Variants in ALS2 observed in about 807,000 individuals in gnomAD.
The protein encoded by ALS2 is alsin Rho guanine nucleotide exchange factor ALS2.
In ALS2, 117 loss-of-function variants were observed where a neutral mutation model predicts 203.4. That is an observed-to-expected ratio of 0.58 (90% CI 0.50 to 0.67). ALS2 has a LOEUF of 0.67. ALS2 is among the 30% of genes least tolerant of loss of function. The pLI is 0.00. For synonymous variants in ALS2, 718 were observed against 725.9 expected (o/e 0.99, Z 0.17); for missense variants, 1,715 against 1,989.4 (o/e 0.86, Z 2.62).
intron 4 of ALS2, among the ~76,000 whole-genome samples, chr2:201,759,084 G>A (rs932550797): frequency 2.1e-4 from 32 of 152,172 alleles, no homozygotes; most frequent in Non-Finnish European, 4.6e-4. Context: ...TACATAAGCA[G>A]TGATGGTATT....
intron 10 of ALS2, among the ~76,000 whole-genome samples, chr2:201,742,818 TCCCA>T (rs1692368317): frequency 1.3e-5 from 2 of 152,104 alleles, no homozygotes; most frequent in African/African-American, 4.8e-5. Context: ...ATGCCTGTAA[TCCCA>T]CCACTTTGGG....
chr2:201,774,756 A>T (rs1694580479), intron 1 of ALS2, among the ~76,000 whole-genome samples: 1 of 152,148 alleles, frequency 6.6e-6, no homozygotes, highest in Non-Finnish European at 1.5e-5. Context: ...ATTTTTTTTC[A>T]TCTACTATGT....
intron 2 of ALS2, 131 bp from the exon 3 acceptor site, chr2:201,767,514 A>AT: frequency 9.9e-7 from 1 of 1,006,366 alleles, no homozygotes; most frequent in Non-Finnish European, 1.5e-6. Context: ...ATTAGCACCT[A>AT]TTTTATGCTT....
At position 201,754,688 on chromosome 2, in the gene ALS2, CGTG is replaced by C; in HGVS notation, c.1472-20_1472-18del. ...TGGGGGAAACTGAAAACCAACCAGA[CGTG>C]GGGTGAAGGAGTGGGAGTCCAGAGG... On this transcript the variant is annotated intron_variant, in intron 5 of 33. Transcript: ENST00000264276. 1.2e-6 allele frequency: 2 copies of C among 1,613,988 alleles called. No homozygotes were observed. Among genetic ancestry groups the C allele is most frequent in the Admixed American group, 3.3e-5 (2 of 60,006 alleles).
At chr2:201,751,690 T>C (rs1693073250) in intron 7 of ALS2, among the ~76,000 whole-genome samples, 1 of 152,218 alleles carries the variant, frequency 6.6e-6, no homozygotes, top group Non-Finnish European at 1.5e-5. Flanking sequence ...TCTTACTTTC[T>C]AATTTCCAGT....
intron 4 of ALS2, chr2:201,760,140 G>C: frequency 1.7e-6 from 1 of 583,278 alleles, no homozygotes; most frequent in Non-Finnish European, 2.2e-6. Context: ...CTGGGCAACA[G>C]GCTCTACTCT....
chr2:201,735,199 C>A (rs1691801658), intron 12 of ALS2, among the ~76,000 whole-genome samples: 1 of 151,560 alleles, frequency 6.6e-6, no homozygotes, highest in South Asian at 2.1e-4. Context: ...GTTACCAGAG[C>A]CAGGCAGGCA....
intron 27 of ALS2, among the ~76,000 whole-genome samples, chr2:201,709,116 C>T (rs1458393488): frequency 6.6e-6 from 1 of 152,192 alleles, no homozygotes; most frequent in African/African-American, 2.4e-5. Flanking sequence ...GATCTTATAT[C>T]TCACAAGCTT....
intron 27 of ALS2, 56 bp downstream of exon 27, chr2:201,709,825 C>T: frequency 6.2e-7 from 1 of 1,606,078 alleles, no homozygotes. Flanking sequence ...ACTACCCAAG[C>T]ACTGGTATAA....
chr2:201,708,753 C>T lies in ALS2; in HGVS notation c.4281-762G>A, dbSNP rs11895611. Among the ~76,000 whole-genome samples the T allele has an allele frequency of 6.0e-3, 910 of 152,256 alleles. 9 individuals carry two copies. The highest frequency in any genetic ancestry group is 0.02 in the African/African-American group (851 of 41,542). On this transcript the variant is annotated intron_variant, in intron 27 of 33. Transcript: ENST00000264276. ...ACTTCTTGTATGCTAGTGTACTCTACCATAAATAAGTTTATTTTCTCTTAT... is the reference window on the plus strand; with the variant it reads ...ACTTCTTGTATGCTAGTGTACTCTATCATAAATAAGTTTATTTTCTCTTAT...
At chr2:201,758,559 T>C (rs1693542815) in intron 4 of ALS2, among the ~76,000 whole-genome samples, 1 of 152,200 alleles carries the variant, frequency 6.6e-6, no homozygotes, top group Non-Finnish European at 1.5e-5. Context: ...TGAAATTTAC[T>C]CTAAGCTGTC....
chr2:201,754,581 A>C lies in ALS2; in HGVS notation c.1562T>G (p.Leu521Arg). 1 of 1,614,156 alleles carries C rather than the reference A, an allele frequency of 6.2e-7. No individual in the cohort carries two copies. Among genetic ancestry groups the C allele is most frequent in the Non-Finnish European group, 8.5e-7 (1 of 1,180,020 alleles). ...PTYSGEADAL[L>R]PSLRTEVWTW... ...CCACACTTCTGTTCTCAGAGAAGGC[A>C]GGAGCGCATCTGCTTCTCCACTGTA... Residue 521 changes from leucine (L) to arginine (R), a missense_variant, in exon 6 of 34, where the codon CTG becomes CGG. Transcript: ENST00000264276.
chr2:201,738,660 G>T lies in ALS2; in HGVS notation c.2417+10C>A. 6.2e-7 allele frequency: 1 copy of T among 1,612,458 alleles called. No individual in the cohort carries two copies. The highest frequency in any genetic ancestry group is 8.5e-7 in the Non-Finnish European group (1 of 1,178,500). ...AGAGAATGATAACTGGAAGGTGTGG[G>T]TTTGCTTACATGGCAGGCTTAGCAA... is the stretch of plus-strand genomic sequence containing the variant. On this transcript the variant is annotated intron_variant, in intron 12 of 33. Coordinates refer to ENST00000264276, the MANE Select transcript of ALS2 (RefSeq NM_020919.4).
intron 25 of ALS2, among the ~76,000 whole-genome samples, chr2:201,713,499 T>C (rs1484643197): frequency 6.6e-6 from 1 of 152,214 alleles, no homozygotes; most frequent in Non-Finnish European, 1.5e-5. Flanking sequence ...GTTCACTTTT[T>C]TATTTTTTCA....
chr2:201,706,901 G>T lies in ALS2; in HGVS notation c.4525C>A (p.Leu1509Ile). 1.9e-6 allele frequency: 3 copies of T among 1,614,020 alleles called. No homozygotes were observed. The highest frequency in any genetic ancestry group is 2.5e-6 in the Non-Finnish European group (3 of 1,179,976). ...REEDIYWECV[L>I]RLNKQPDIAL... The stretch of plus-strand genomic sequence containing the variant: ...ATATCTGGCTGCTTATTTAGTCGAA[G>T]GACACATTCCCAGTAAATGTCTTCC... The change falls in exon 29 of 34, where the codon CTT (leucine) becomes ATT (isoleucine). Residue 1509 changes from leucine to isoleucine, a missense_variant. Around this residue, in one of 3 missense-constraint regions of ALS2, gnomAD observed 1,227 missense variants for 1,413.5 expected, o/e 0.87. Coordinates refer to ENST00000264276, the MANE Select transcript of ALS2 (RefSeq NM_020919.4).
At chr2:201,769,071 T>A (rs1268893251) in intron 1 of ALS2, 126 bp from the exon 2 acceptor site, 1 of 544,940 alleles carries the variant, frequency 1.8e-6, no homozygotes, top group East Asian at 3.0e-5. Context: ...TAAAACTATT[T>A]AAACTATTTC....
At chr2:201,760,375 C>T (rs766198254) in intron 4 of ALS2, 29 of 986,734 alleles carry the variant, frequency 2.9e-5, no homozygotes, top group Non-Finnish European at 3.4e-5. Flanking sequence ...GTAAGGACCA[C>T]AGCTATAATT....
chr2:201,721,731 T>C (rs1233755356), intron 23 of ALS2, among the ~76,000 whole-genome samples: 1 of 152,320 alleles, frequency 6.6e-6, no homozygotes, highest in Middle Eastern at 3.4e-3. Context: ...TGCCACGATT[T>C]CGGCTCACTG....
chr2:201,738,860 T>C, intron 11 of ALS2, 125 bp from the exon 12 acceptor site: 1 of 837,558 alleles, frequency 1.2e-6, no homozygotes, highest in African/African-American at 1.7e-5. Context: ...AGTTTTGTGA[T>C]GTCAACATTT....
Sources: allele counts gnomAD v4.1 joint callset (sites outside exome capture counted in the v4.1 genomes callset), GRCh38; gene constraint gnomAD v4.1.1; regional missense constraint gnomAD v4.1.1; transcripts MANE v1.5; gene names NCBI Gene and HGNC (gene_info 2026-07-23, HGNC 2026-07-21).